NUDT1: variants seen among roughly 807,000 people sequenced by gnomAD.
NUDT1 encodes the protein nudix hydrolase 1, also known as oxidized purine nucleoside triphosphate hydrolase.
Under a neutral mutation model 11.3 loss-of-function variants are expected in NUDT1, and 16 were observed. That is an observed-to-expected ratio of 1.41 (90% CI 0.96 to 2.15). The LOEUF (loss-of-function observed/expected upper bound fraction) is 2.15, where lower values mean the gene tolerates loss of function less well. Among genes scored for constraint, NUDT1 ranks in the 30% most tolerant of loss-of-function variants. NUDT1 has a pLI of 0.00. For synonymous variants in NUDT1, 101 were observed against 84.4 expected (o/e 1.20, Z -1.08); for missense variants, 234 against 208.4 (o/e 1.12, Z -0.76).
rs760542532 is a variant in NUDT1 at position 2,249,924 on chromosome 7, T to C, written c.220T>C (p.Phe74Leu). ...CAAGGTGGGCCAGATCGTGTTTGAG[T>C]TCGTGGGCGAGCCTGAGCTCATGGA... ...LHKVGQIVFE[F>L]VGEPELMDVH... is the part of the protein sequence containing the mutation. Residue 74 changes from phenylalanine to leucine, a missense_variant, in exon 3 of 4, where the codon TTC (phenylalanine) becomes CTC (leucine). Physicochemically the swap from Phe to Leu is conservative, Grantham distance 22. Transcript: ENST00000356714. 6.2e-7 allele frequency: 1 copy of C among 1,614,178 alleles called. No individual in the cohort carries two copies. The highest frequency in any genetic ancestry group is 1.1e-5 in the South Asian group (1 of 91,080).
chr7:2,250,704 C>G, intron 3 of NUDT1, 125 bp from the exon 4 acceptor site: 1 of 710,814 alleles, frequency 1.4e-6, no homozygotes, highest in Admixed American at 2.0e-5. Flanking sequence ...GTGATCCTCC[C>G]GCCTCGGCCT....
chr7:2,243,530 T>TG (rs1794640954), intron 1 of NUDT1, among the ~76,000 whole-genome samples: 1 of 152,104 alleles, frequency 6.6e-6, no homozygotes, highest in Non-Finnish European at 1.5e-5. Flanking sequence ...CTCAGCACTT[T>TG]GGGAGGCTGA....
intron 1 of NUDT1, chr7:2,242,458 G>T: frequency 2.0e-6 from 1 of 498,000 alleles, no homozygotes; most frequent in Non-Finnish European, 3.5e-6. Context: ...AGAGAGACAA[G>T]GAGAGCGGGG....
intron 1 of NUDT1, chr7:2,242,492 G>T: frequency 2.3e-6 from 1 of 443,260 alleles, no homozygotes; most frequent in Admixed American, 4.1e-5. Flanking sequence ...GAGACCAGGA[G>T]TAAATCACAA....
At chr7:2,245,953 G>A (rs1046111122) in intron 2 of NUDT1, among the ~76,000 whole-genome samples, 27 of 152,038 alleles carry the variant, frequency 1.8e-4, no homozygotes, top group South Asian at 2.1e-4. Flanking sequence ...ACCCCAGACC[G>A]CAGCCACACG....
At chr7:2,246,125 C>T (rs906271497) in intron 2 of NUDT1, among the ~76,000 whole-genome samples, 7 of 152,164 alleles carry the variant, frequency 4.6e-5, no homozygotes, top group Non-Finnish European at 1.0e-4. Flanking sequence ...GAAAGGTGGC[C>T]CCGGGGGTTC....
chr7:2,246,435 C>T (rs897959724), intron 2 of NUDT1, among the ~76,000 whole-genome samples: 1 of 152,190 alleles, frequency 6.6e-6, no homozygotes, highest in East Asian at 1.9e-4. Flanking sequence ...GAGACATTTG[C>T]AGAAGCACAG....
At chr7:2,246,094 C>T (rs553552465) in intron 2 of NUDT1, among the ~76,000 whole-genome samples, 184 of 152,264 alleles carry the variant, frequency 1.2e-3, no homozygotes, top group Non-Finnish European at 2.0e-3. Context: ...GTGTGCAGAG[C>T]GACCACAGCA....
chr7:2,250,183 G>C (rs1422816084), intron 3 of NUDT1, among the ~76,000 whole-genome samples, 181 bp downstream of exon 3: 3 of 152,246 alleles, frequency 2.0e-5, no homozygotes, highest in Non-Finnish European at 4.4e-5. Context: ...GGCTCCAGTA[G>C]CGTACCTGCC....
intron 2 of NUDT1, among the ~76,000 whole-genome samples, chr7:2,248,624 T>G (rs1794862591): frequency 6.9e-6 from 1 of 145,434 alleles, no homozygotes; most frequent in Non-Finnish European, 1.5e-5. Context: ...TAATCCCAGC[T>G]CACTGCAGCC....
chr7:2,249,926 C>A lies in NUDT1; in HGVS notation c.222C>A (p.Phe74Leu). The A allele has an allele frequency of 6.2e-7, 1 of 1,614,206 alleles. No homozygotes were observed. Among genetic ancestry groups the A allele is most frequent in the Non-Finnish European group, 8.5e-7 (1 of 1,180,032 alleles). The stretch of plus-strand genomic sequence containing the variant: ...AGGTGGGCCAGATCGTGTTTGAGTT[C>A]GTGGGCGAGCCTGAGCTCATGGACG... ...LHKVGQIVFE[F>L]VGEPELMDVH... Residue 74 changes from phenylalanine (F) to leucine (L), a missense_variant, in exon 3 of 4, where the codon TTC (phenylalanine) becomes TTA (leucine). By Grantham distance (22) the Phe-to-Leu change is conservative. Coordinates refer to ENST00000356714, the MANE Select transcript of NUDT1 (RefSeq NM_002452.4).
chr7:2,247,193 G>T (rs572077521), intron 2 of NUDT1, among the ~76,000 whole-genome samples: 13 of 152,134 alleles, frequency 8.5e-5, no homozygotes, highest in African/African-American at 2.9e-4. Context: ...AGGGAGGAGC[G>T]TCGGCAGCCC....
intron 1 of NUDT1, chr7:2,242,809 C>T (rs989922235): frequency 1.6e-6 from 1 of 615,972 alleles, no homozygotes; most frequent in Non-Finnish European, 2.9e-6. Context: ...TCCTGAAGCC[C>T]CAGCAGGCAT....
At chr7:2,242,860 TTG>T (rs776181481) in intron 1 of NUDT1, 351 of 687,136 alleles carry the variant, frequency 5.1e-4, no homozygotes, top group Non-Finnish European at 6.7e-4. Context: ...TGTAGGTGGC[TTG>T]TGTTAGTCAG....
chr7:2,244,429 G>A, intron 1 of NUDT1, 134 bp from the exon 2 acceptor site: 1 of 849,778 alleles, frequency 1.2e-6, no homozygotes, highest in East Asian at 2.6e-5. Context: ...GCCACACGTG[G>A]CAGGGCTGGG....
At chr7:2,247,120 G>T (rs1012507051) in intron 2 of NUDT1, among the ~76,000 whole-genome samples, 2 of 152,186 alleles carry the variant, frequency 1.3e-5, no homozygotes, top group Non-Finnish European at 2.9e-5. Flanking sequence ...TTCAGTACCT[G>T]CGAGTCTGAA....
At chr7:2,242,395 G>A in intron 1 of NUDT1, 139 bp downstream of exon 1, 1 of 516,580 alleles carries the variant, frequency 1.9e-6, no homozygotes, top group East Asian at 3.5e-5. Flanking sequence ...GAGACCAGAA[G>A]AGCAGGGTCG....
chr7:2,248,221 G>T (rs3735093), intron 2 of NUDT1: 97,241 of 152,026 alleles, frequency 0.64, 31,891 homozygotes, highest in East Asian at 0.75. Context: ...AAATTAGCCG[G>T]GCATGGTAAG....
chr7:2,242,357 G>A (rs1432800141), intron 1 of NUDT1, 101 bp downstream of exon 1: 6 of 557,810 alleles, frequency 1.1e-5, no homozygotes, highest in African/African-American at 2.0e-5. Flanking sequence ...CCATGGGCTT[G>A]GGGGAGAGCG....
Sources: allele counts gnomAD v4.1 joint callset (sites outside exome capture counted in the v4.1 genomes callset), GRCh38; gene constraint gnomAD v4.1.1; transcripts MANE v1.5; gene names NCBI Gene and HGNC (gene_info 2026-07-23, HGNC 2026-07-21).